LRRC4C: variants seen among roughly 807,000 people sequenced by gnomAD.
LRRC4C encodes the protein leucine-rich repeat-containing protein 4C.
LRRC4C carries 5 observed loss-of-function variants against 33.6 expected under a neutral mutation model. The ratio of observed to expected loss-of-function variants is 0.15; its 90% CI spans 0.08 to 0.31. The LOEUF (loss-of-function observed/expected upper bound fraction) is 0.31. Ranked by LOEUF, LRRC4C falls within the 10% of genes least tolerant of loss-of-function variation. LRRC4C has a pLI of 1.00. For synonymous variants in LRRC4C, 329 were observed against 302.0 expected, an observed-to-expected ratio of 1.09 and a Z score of -0.93; for missense variants, 560 against 796.7, an observed-to-expected ratio of 0.70 and a Z score of 3.58.
chr11:41,119,603 T>C (rs572290206), intron 1 of LRRC4C, among the ~76,000 whole-genome samples: 1 of 152,318 alleles, frequency 6.6e-6, no homozygotes, highest in East Asian at 1.9e-4. Flanking sequence ...TTGGCCACTA[T>C]CTAGAATTAT....
At chr11:40,905,631 C>G (rs920441706) in intron 2 of LRRC4C, among the ~76,000 whole-genome samples, 16 of 152,180 alleles carry the variant, frequency 1.1e-4, no homozygotes, top group African/African-American at 3.9e-4. Context: ...AAGGACAAAT[C>G]CCACCCTTCT....
At chr11:40,305,420 T>G (rs1287509189) in intron 4 of LRRC4C, among the ~76,000 whole-genome samples, 1 of 152,162 alleles carries the variant, frequency 6.6e-6, no homozygotes, top group Non-Finnish European at 1.5e-5. Context: ...AGGATTCAAA[T>G]TTTTGAATGA....
chr11:40,341,447 G>T (rs1946861825), intron 3 of LRRC4C, among the ~76,000 whole-genome samples: 1 of 147,428 alleles, frequency 6.8e-6, no homozygotes, highest in Non-Finnish European at 1.5e-5. Flanking sequence ...TCAGTAATGG[G>T]ATTGCTGGGT....
At chr11:40,885,697 G>A (rs568780016) in intron 2 of LRRC4C, among the ~76,000 whole-genome samples, 1 of 152,084 alleles carries the variant, frequency 6.6e-6, no homozygotes, top group Admixed American at 6.5e-5. Context: ...TAGATTTTTG[G>A]AGTACATACA....
At chr11:41,070,043 C>G (rs571489917) in intron 1 of LRRC4C, among the ~76,000 whole-genome samples, 2 of 152,224 alleles carry the variant, frequency 1.3e-5, no homozygotes, top group African/African-American at 4.8e-5. Flanking sequence ...GTAACCAAAA[C>G]AGCATGGTAC....
chr11:40,759,525 G>A (rs964262200), intron 2 of LRRC4C, among the ~76,000 whole-genome samples: 2 of 151,754 alleles, frequency 1.3e-5, no homozygotes, highest in East Asian at 3.9e-4. Context: ...ATAAGCTTTA[G>A]GTTGGTGCAA....
At chr11:40,959,454 C>G (rs1224227204) in intron 1 of LRRC4C, among the ~76,000 whole-genome samples, 1 of 151,494 alleles carries the variant, frequency 6.6e-6, no homozygotes, top group Admixed American at 6.6e-5. Flanking sequence ...TAATATGCAG[C>G]ATAAAAATGT....
intron 4 of LRRC4C, among the ~76,000 whole-genome samples, chr11:40,288,692 G>A (rs1944003608): frequency 6.6e-6 from 1 of 152,186 alleles, no homozygotes; most frequent in African/African-American, 2.4e-5. Flanking sequence ...ATATTCTAAT[G>A]AGTCTTTAGC....
chr11:40,665,364 GTATATATATATATATATATATATT>G (rs1943742208), intron 2 of LRRC4C, among the ~76,000 whole-genome samples: 303 of 24,586 alleles, frequency 0.012, 5 homozygotes, highest in African/African-American at 0.041. Flanking sequence ...ATATATATAT[GTATATATATATATATATATATATT>G]ATTAGGGGTA....
At chr11:40,383,028 C>G (rs1948954388) in intron 3 of LRRC4C, among the ~76,000 whole-genome samples, 1 of 152,118 alleles carries the variant, frequency 6.6e-6, no homozygotes, top group Non-Finnish European at 1.5e-5. Flanking sequence ...TCCCATTTCT[C>G]TCTCTCCATA....
intron 2 of LRRC4C, among the ~76,000 whole-genome samples, chr11:40,874,905 C>A (rs1407650397): frequency 6.6e-6 from 1 of 152,094 alleles, no homozygotes; most frequent in African/African-American, 2.4e-5. Context: ...ATGTGGTTTA[C>A]AAAATGATGG....
intron 1 of LRRC4C, among the ~76,000 whole-genome samples, chr11:40,953,737 G>C (rs1958826846): frequency 6.6e-6 from 1 of 151,826 alleles, no homozygotes; most frequent in Non-Finnish European, 1.5e-5. Context: ...CGAAGGTTCA[G>C]GTGAAGAAAA....
At chr11:41,190,342 AAACT>A (rs1319611120) in intron 1 of LRRC4C, among the ~76,000 whole-genome samples, 5 of 152,180 alleles carry the variant, frequency 3.3e-5, no homozygotes, top group African/African-American at 4.8e-5. Flanking sequence ...TAATTAAGGC[AAACT>A]GGCAAAGCAA....
At chr11:40,783,290 A>G (rs1455050290) in intron 2 of LRRC4C, among the ~76,000 whole-genome samples, 1 of 151,224 alleles carries the variant, frequency 6.6e-6, no homozygotes, top group Non-Finnish European at 1.5e-5. Flanking sequence ...ATTTTATTTT[A>G]TTTTATTTTA....
chr11:41,230,272 T>G, intron 1 of LRRC4C, among the ~76,000 whole-genome samples: 1 of 152,068 alleles, frequency 6.6e-6, no homozygotes, highest in Non-Finnish European at 1.5e-5. Context: ...TAGCTTAAAC[T>G]CAGAATGTGT....
intron 1 of LRRC4C, among the ~76,000 whole-genome samples, chr11:41,164,808 A>G (rs1944643528): frequency 6.6e-6 from 1 of 152,132 alleles, no homozygotes; most frequent in African/African-American, 2.4e-5. Context: ...CCTTTGGAAC[A>G]CCAAGATCTG....
chr11:41,228,312 T>C (rs564228502), intron 1 of LRRC4C, among the ~76,000 whole-genome samples: 1 of 152,212 alleles, frequency 6.6e-6, no homozygotes, highest in Non-Finnish European at 1.5e-5. Flanking sequence ...ATCTATAGAT[T>C]CTAATTCTCA....
chr11:40,747,912 A>G (rs1309211746), intron 2 of LRRC4C, among the ~76,000 whole-genome samples: 1 of 152,202 alleles, frequency 6.6e-6, no homozygotes, highest in Non-Finnish European at 1.5e-5. Context: ...ACAAAACATC[A>G]TAAAGTGACC....
Position 40,804,865 on chromosome 11 carries a change from A to G in LRRC4C, c.-407+128770T>C, listed in dbSNP as rs570530851. ...GTACTCCATTGCATTGGTCAAAAGA[A>G]ATGCTTAAAGTAATCCATAAAAAGG... On this transcript the variant is annotated intron_variant, in intron 2 of 6. Coordinates refer to ENST00000528697, the MANE Select transcript of LRRC4C (RefSeq NM_001258419.2). Among the ~76,000 whole-genome samples, 6 of 152,342 alleles carry G rather than the reference A, an allele frequency of 3.9e-5. No homozygotes were observed. In the East Asian group the frequency reaches 1.2e-3, roughly 29 times the overall value.
Sources: allele counts gnomAD v4.1 joint callset (sites outside exome capture counted in the v4.1 genomes callset), GRCh38; gene constraint gnomAD v4.1.1; transcripts MANE v1.5; gene names NCBI Gene and HGNC (gene_info 2026-07-23, HGNC 2026-07-21).